Variants in FBXL7 observed in about 807,000 individuals in gnomAD.
FBXL7 encodes the protein F-box and leucine rich repeat protein 7.
Under a neutral mutation model 38.3 loss-of-function variants are expected in FBXL7, and 12 were observed. The ratio of observed to expected loss-of-function variants is 0.31; its 90% CI spans 0.20 to 0.51. The LOEUF (loss-of-function observed/expected upper bound fraction) is 0.51. Ranked by LOEUF, FBXL7 falls within the 20% of genes least tolerant of loss-of-function variation. The pLI, the probability that FBXL7 is intolerant of heterozygous loss-of-function variation, is 0.98. For missense variants in FBXL7, 567 were observed against 676.4 expected (o/e 0.84, Z 1.79); for synonymous variants, 297 against 300.9 (o/e 0.99, Z 0.13).
chr5:15,937,909 T>C lies in FBXL7; in HGVS notation c.*723T>C, dbSNP rs1742244582. ...GATTAGCTTCATGTCCATTATAGCA[T>C]TGAGGGAGCAGAGATACCCATACAC... On this transcript the variant is annotated 3_prime_UTR_variant, in exon 4 of 4. Coordinates refer to ENST00000504595, the MANE Select transcript of FBXL7 (RefSeq NM_012304.5). The C allele has an allele frequency of 1.3e-5, 2 of 152,186 alleles. No homozygotes were observed. Among genetic ancestry groups the C allele is most frequent in the African/African-American group, 4.8e-5 (2 of 41,478 alleles). The allele number at this position is 152,186 out of a possible 1,614,324, so 9.4% of individuals were successfully genotyped here.
In FBXL7 at chr5:15,913,441, T is replaced by C. The variant is rs193288377; in HGVS notation, c.128-14449T>C. ...GCTATGAAAGTGTTCTAATTACTTA[T>C]TGATCTTTTACATGGTCGTAAGTTT... On this transcript the variant is annotated intron_variant, in intron 2 of 3. Transcript: ENST00000504595. Among the ~76,000 whole-genome samples the C allele has an allele frequency of 3.7e-3, 562 of 152,334 alleles. 4 individuals carry two copies. The highest frequency in any genetic ancestry group is 5.9e-3 in the Non-Finnish European group (402 of 68,030).
intron 1 of FBXL7, among the ~76,000 whole-genome samples, chr5:15,542,360 A>G (rs1737777770): frequency 6.6e-6 from 1 of 152,192 alleles, no homozygotes; most frequent in Admixed American, 6.6e-5. Flanking sequence ...TGGTTATCCC[A>G]TTTTAGCTGA....
At chr5:15,546,133 A>G (rs1737885515) in intron 1 of FBXL7, among the ~76,000 whole-genome samples, 1 of 152,250 alleles carries the variant, frequency 6.6e-6, no homozygotes, top group Non-Finnish European at 1.5e-5. Flanking sequence ...TTACACTTTT[A>G]AAATATTGTT....
At chr5:15,742,893 G>A (rs779275580) in intron 2 of FBXL7, among the ~76,000 whole-genome samples, 45 of 152,052 alleles carry the variant, frequency 3.0e-4, no homozygotes, top group African/African-American at 3.9e-4. Context: ...TTCACATGGC[G>A]GCAGCAAGGA....
intron 2 of FBXL7, among the ~76,000 whole-genome samples, chr5:15,620,485 G>A (rs1740600675): frequency 6.6e-6 from 1 of 151,062 alleles, no homozygotes; most frequent in African/African-American, 2.4e-5. Context: ...CCTGACCTTA[G>A]GTGATTCACC....
At chr5:15,544,016 C>T (rs1479831524) in intron 1 of FBXL7, among the ~76,000 whole-genome samples, 5 of 152,130 alleles carry the variant, frequency 3.3e-5, no homozygotes, top group Admixed American at 1.3e-4. Context: ...CTGTAAGACA[C>T]GCAGACCGAG....
chr5:15,516,592 C>T (rs1736942639), intron 1 of FBXL7, among the ~76,000 whole-genome samples: 1 of 152,150 alleles, frequency 6.6e-6, no homozygotes, highest in Non-Finnish European at 1.5e-5. Flanking sequence ...ACCCAAATCT[C>T]AACTTGAATT....
chr5:15,866,553 T>TA (rs910178622), intron 2 of FBXL7, among the ~76,000 whole-genome samples: 28 of 151,056 alleles, frequency 1.9e-4, no homozygotes, highest in East Asian at 7.8e-4. Flanking sequence ...TTATTTCTTC[T>TA]AAAAAAAAAT....
At chr5:15,924,672 A>G (rs1236952462) in intron 2 of FBXL7, among the ~76,000 whole-genome samples, 1 of 138,782 alleles carries the variant, frequency 7.2e-6, no homozygotes, top group Non-Finnish European at 1.5e-5. Context: ...TTCACTGTGC[A>G]GTGGCACAGT....
intron 2 of FBXL7, among the ~76,000 whole-genome samples, chr5:15,807,415 T>C (rs1737743538): frequency 6.6e-6 from 1 of 152,130 alleles, no homozygotes; most frequent in South Asian, 2.1e-4. Flanking sequence ...GAGATGACCA[T>C]GGGGAAGGAA....
chr5:15,892,925 G>A (rs899314621), intron 2 of FBXL7, among the ~76,000 whole-genome samples: 1 of 152,128 alleles, frequency 6.6e-6, no homozygotes, highest in Non-Finnish European at 1.5e-5. Context: ...AGACCATCCT[G>A]GCTAACAGGG....
At position 15,649,334 on chromosome 5, in the gene FBXL7, G is replaced by A. The variant is rs545328781; in HGVS notation, c.127+33262G>A. ...TTTTAACACAGTAAATCTATAATTT[G>A]ACATTGGAAATCTAATATGCCTTCC... is the stretch of plus-strand genomic sequence containing the variant. On this transcript the variant is annotated intron_variant, in intron 2 of 3. Coordinates refer to ENST00000504595, the MANE Select transcript of FBXL7 (RefSeq NM_012304.5). Among the ~76,000 whole-genome samples the A allele has an allele frequency of 1.6e-4, 25 of 152,200 alleles. No individual in the cohort carries two copies. The East Asian group carries it at 4.6e-3, about 28-fold the overall frequency.
rs1197407241 is a variant in FBXL7, at chr5:15,568,459, G to A, written c.38-47524G>A. On this transcript the variant is annotated intron_variant, in intron 1 of 3. Coordinates refer to ENST00000504595, the MANE Select transcript of FBXL7 (RefSeq NM_012304.5). ...TGGGGTTTTTTTTTCTTGTAAATTT[G>A]TTTGAGTTCATTGTAGATTCTGGAT... Among the ~76,000 whole-genome samples, 4 of 151,978 alleles carry A rather than the reference G, an allele frequency of 2.6e-5. No individual in the cohort carries two copies. The East Asian group carries it at 7.7e-4, about 29-fold the overall frequency.
At chr5:15,659,014 C>T (rs748778048) in intron 2 of FBXL7, among the ~76,000 whole-genome samples, 1 of 152,094 alleles carries the variant, frequency 6.6e-6, no homozygotes, top group East Asian at 1.9e-4. Flanking sequence ...TTTGCTTCCC[C>T]GTCCATCCTG....
At chr5:15,703,953 C>G (rs1372048608) in intron 2 of FBXL7, among the ~76,000 whole-genome samples, 1 of 152,192 alleles carries the variant, frequency 6.6e-6, no homozygotes, top group Admixed American at 6.5e-5. Flanking sequence ...CAGGGTCACA[C>G]TCAGCAGTGG....
chr5:15,820,248 A>C (rs1738133983), intron 2 of FBXL7, among the ~76,000 whole-genome samples: 1 of 151,474 alleles, frequency 6.6e-6, no homozygotes, highest in Non-Finnish European at 1.5e-5. Flanking sequence ...ACACTCCCAC[A>C]CTCCAGCCTT....
chr5:15,928,206 C>G lies in FBXL7; in HGVS notation c.444C>G (p.Ala148=). 6.2e-7 allele frequency: 1 copy of G among 1,610,170 alleles called. No homozygotes were observed. Among genetic ancestry groups the G allele is most frequent in the Non-Finnish European group, 8.5e-7 (1 of 1,178,498 alleles). Residue 148 remains alanine, a synonymous_variant, in exon 3 of 4, where the codon GCC becomes GCG. Transcript: ENST00000504595. This position sits in a 1 kb window ranked among gnomAD's most constrained non-coding sequence, Gnocchi z 4.0. ...ARVCRRWYNL[A]WDPRLWRTIR... ...TGTGCCGCCGCTGGTACAACCTGGC[C>G]TGGGACCCGCGGCTCTGGAGGACTA...
At chr5:15,698,129 T>C (rs1350105713) in intron 2 of FBXL7, among the ~76,000 whole-genome samples, 1 of 152,274 alleles carries the variant, frequency 6.6e-6, no homozygotes, top group Non-Finnish European at 1.5e-5. Context: ...GGAAGAGGGA[T>C]AGAGGAGTTC....
intron 2 of FBXL7, among the ~76,000 whole-genome samples, chr5:15,744,307 T>G (rs1735960163): frequency 6.6e-6 from 1 of 152,220 alleles, no homozygotes; most frequent in South Asian, 2.1e-4. Context: ...CTAAATCATC[T>G]GTCTCAAGTT....
Sources: allele counts gnomAD v4.1 joint callset (sites outside exome capture counted in the v4.1 genomes callset), GRCh38; gene constraint gnomAD v4.1.1; non-coding constraint Gnocchi (gnomAD v3.1); transcripts MANE v1.5; gene names NCBI Gene and HGNC (gene_info 2026-07-23, HGNC 2026-07-21).